The following PKD1 variants were observed in gnomAD, a reference collection of about 807,000 sequenced individuals.
PKD1 encodes polycystin-1.
Under a neutral mutation model 361.7 loss-of-function variants are expected in PKD1, and 81 were observed. The ratio of observed to expected loss-of-function variants is 0.22; its 90% CI spans 0.19 to 0.27. The LOEUF (loss-of-function observed/expected upper bound fraction) is 0.27. Ranked by LOEUF, PKD1 falls within the 10% of genes least tolerant of loss-of-function variation. The pLI, the probability that PKD1 is intolerant of heterozygous loss-of-function variation, is 1.00. For missense variants in PKD1, 6,399 were observed against 6,118.3 expected (o/e 1.05, Z -1.53); for synonymous variants, 3,615 against 2,818.3 (o/e 1.28, Z -8.95).
At position 2,090,712 on chromosome 16, in the gene PKD1, C is replaced by A; in HGVS notation, c.12100G>T (p.Val4034Leu). ...TGGGCGTAGGCTACCCCGAGCACCA[C>A]CAGGCCCAAGGTGACCCCCAGGAGC... ...PELLGVTLGL[V>L]VLGVAYAQLA... is the part of the protein sequence containing the mutation. The change falls in exon 44 of 46, where the codon GTG becomes TTG. Residue 4034 changes from valine (V) to leucine (L), a missense_variant. Transcript: ENST00000262304. The A allele has an allele frequency of 1.9e-6, 3 of 1,612,584 alleles. No individual in the cohort carries two copies. The highest frequency in any genetic ancestry group is 2.5e-6 in the Non-Finnish European group (3 of 1,179,968).
intron 21 of PKD1, 85 bp from the exon 22 acceptor site, chr16:2,104,727 T>G (rs2092267485): frequency 3.9e-6 from 3 of 773,226 alleles, no homozygotes; most frequent in Non-Finnish European, 6.5e-6. Flanking sequence ...CTCACCTGGC[T>G]CCCACCCCCA....
At chr16:2,130,304 C>A (rs1272280686) in intron 1 of PKD1, among the ~76,000 whole-genome samples, 2 of 152,202 alleles carry the variant, frequency 1.3e-5, no homozygotes, top group Non-Finnish European at 2.9e-5. Flanking sequence ...CTCTCCTAGG[C>A]TCTCCTGACA....
chr16:2,108,545 C>T lies in PKD1; in HGVS notation c.6622G>A (p.Gly2208Ser), dbSNP rs779825346. The T allele has an allele frequency of 2.6e-5, 41 of 1,605,258 alleles. No individual in the cohort carries two copies. Among genetic ancestry groups the T allele is most frequent in the South Asian group, 2.0e-4 (18 of 90,602 alleles). ...AGCCGAGGCCGGCTCACGTCCACGC[C>T]GGGCAGGGCCACACGCGCTGGGCGC... is the stretch of plus-strand genomic sequence containing the variant. ...PGRPARVALP[G>S]VDVSRPRLVL... The change falls in exon 15 of 46, where the codon GGC becomes AGC. Residue 2208 changes from glycine (G) to serine (S), a missense_variant. Transcript: ENST00000262304.
chr16:2,091,369 G>T, intron 42 of PKD1, 54 bp downstream of exon 42: 4 of 1,006,218 alleles, frequency 4.0e-6, no homozygotes, highest in East Asian at 6.1e-5. Flanking sequence ...GGCCCCGCGA[G>T]GGGGCGGGAC....
Position 2,135,567 on chromosome 16 carries a change from T to C in PKD1, c.123A>G (p.Pro41=), listed in dbSNP as rs1255231202. Residue 41 remains proline (P), a synonymous_variant, in exon 1 of 46, where the codon CCA becomes CCG. Coordinates refer to ENST00000262304, the MANE Select transcript of PKD1 (RefSeq NM_001009944.3). ...TGACGCGGCAGGCGGCGCCGGGCGC[T>C]GGGCCGCAGAGGCAGGGGGGCTCGC... ...GPCEPPCLCG[P]APGAACRVNC... 3.6e-6 allele frequency: 4 copies of C among 1,107,102 alleles called. No individual in the cohort carries two copies. The highest frequency in any genetic ancestry group is 4.4e-6 in the Non-Finnish European group (4 of 909,346). 68.6% of individuals were successfully genotyped at this position (1,107,102 alleles called of 1,614,324 possible). A position where few individuals can be genotyped will look rare whatever the true frequency, so the allele number is the denominator to read the frequency against.
At chr16:2,114,133 G>A in intron 11 of PKD1, 37 bp downstream of exon 11, 1 of 1,585,968 alleles carries the variant, frequency 6.3e-7, no homozygotes, top group East Asian at 2.2e-5. Flanking sequence ...GCAGGCACCT[G>A]CCTGGGGGCT....
chr16:2,127,113 G>T (rs1049687274), intron 1 of PKD1, among the ~76,000 whole-genome samples: 1 of 152,114 alleles, frequency 6.6e-6, no homozygotes, highest in African/African-American at 2.4e-5. Flanking sequence ...CCTCCCCAAA[G>T]CTCCCAAAGA....
Position 2,103,254 on chromosome 16 carries a change from C to G in PKD1, c.8791+12G>C. The G allele has an allele frequency of 1.2e-6, 2 of 1,609,244 alleles. No homozygotes were observed. Among genetic ancestry groups the G allele is most frequent in the East Asian group, 4.5e-5 (2 of 44,856 alleles). On this transcript the variant is annotated intron_variant, in intron 23 of 45. Transcript: ENST00000262304. ...GCCAGGGGGCCGCGTGTGCCCCACC[C>G]GCTGCACGCACCGTCCAGCAGCGTA...
intron 16 of PKD1, chr16:2,107,599 G>C: frequency 1.9e-6 from 1 of 526,856 alleles, no homozygotes. Flanking sequence ...GGGGACAGTG[G>C]CTACCTCTGG....
Position 2,091,107 on chromosome 16 carries a change from C to A in PKD1, c.11780G>T (p.Arg3927Leu), listed in dbSNP as rs1489338153. Residue 3927 changes from arginine (R) to leucine (L), a missense_variant, in exon 43 of 46, where the codon CGC (arginine) becomes CTC (leucine). By Grantham distance (102) the Arg-to-Leu change is moderately radical. Transcript: ENST00000262304. ...AEARTWHREG[R>L]WRVLRLGAWA... ...GGCTCCGAGCCGCAGCACGCGCCAG[C>A]GCCCTTCCCTGTGCCAAGTACGGGC... The A allele has an allele frequency of 4.7e-6, 7 of 1,494,214 alleles. No homozygotes were observed. The Admixed American group carries it at 6.5e-5, about 14-fold the overall frequency. 92.6% of individuals were successfully genotyped at this position (1,494,214 alleles called of 1,614,324 possible).
chr16:2,094,208 G>C lies in PKD1; in HGVS notation c.10502C>G (p.Ser3501Cys). 6.4e-7 allele frequency: 1 copy of C among 1,568,414 alleles called. No homozygotes were observed. Among genetic ancestry groups the C allele is most frequent in the Non-Finnish European group, 8.8e-7 (1 of 1,140,744 alleles). ...HMETDLLSSL[S>C]STPGEKTETL... ...CTCTGTCTTCTCCCCAGGAGTGCTG[G>C]ACCTGAGGGACATGGTAGGCTGTGA... Residue 3501 changes from serine (S) to cysteine (C), a missense_variant and splice_region_variant, in exon 35 of 46, where the codon TCC becomes TGC. Transcript: ENST00000262304.
Position 2,092,600 on chromosome 16 carries a change from AG to A in PKD1, c.11157-9del. On this transcript the variant is annotated splice_polypyrimidine_tract_variant and intron_variant, in intron 38 of 45. Transcript: ENST00000262304. The stretch of plus-strand genomic sequence containing the variant: ...GGCCAGAGCTCCTCAGACCTGCCAC[AG>A]CATCAGTCACACGCTCCAGCCCCTA... 6.3e-7 allele frequency: 1 copy of A among 1,587,768 alleles called. No homozygotes were observed. The highest frequency in any genetic ancestry group is 1.1e-5 in the South Asian group (1 of 90,212).
rs1355547948 is a variant in PKD1 at position 2,119,980 on chromosome 16, G to A, written c.216-602C>T. 10 of 597,040 alleles carry A rather than the reference G, an allele frequency of 1.7e-5. No homozygotes were observed. The Admixed American group carries it at 2.9e-4, about 18-fold the overall frequency. The allele number at this position is 597,040 out of a possible 1,614,324, so 37.0% of individuals were successfully genotyped here. The stretch of plus-strand genomic sequence containing the variant: ...GGTAACACAGCACCGTGGGAGCTGA[G>A]ACGGAAGGATCGCCTGGGCCCAGGA... On this transcript the variant is annotated intron_variant, in intron 1 of 45. Transcript: ENST00000262304.
Position 2,109,686 on chromosome 16 carries a change from C to A in PKD1, c.5481G>T (p.Gly1827=). 2.5e-6 allele frequency: 4 copies of A among 1,590,638 alleles called. No homozygotes were observed. The highest frequency in any genetic ancestry group is 3.4e-6 in the Non-Finnish European group (4 of 1,169,922). The part of the protein sequence containing the change: ...VAAGSSVPFW[G]QLATGTNVSW... ...TCACATTGGTGCCCGTGGCCAGCTG[C>A]CCCCAAAAGGGCACAGAGGACCCGG... Residue 1827 remains glycine, a synonymous_variant, in exon 15 of 46, where the codon GGG becomes GGT. Transcript: ENST00000262304.
chr16:2,132,574 C>CA (rs57615937), intron 1 of PKD1, among the ~76,000 whole-genome samples: 2,836 of 42,632 alleles, frequency 0.067, 168 homozygotes, highest in African/African-American at 0.18. Flanking sequence ...GACTCCGTCT[C>CA]AAAAAAAAAA....
In PKD1 at chr16:2,115,643, T is replaced by A. The variant is rs534987452; in HGVS notation, c.1850-18A>T. 7 of 1,594,872 alleles carry A rather than the reference T, an allele frequency of 4.4e-6. No homozygotes were observed. In the East Asian group the frequency reaches 1.3e-4, roughly 31 times the overall value. ...CGGGGTCCCTGTGAGGAGGGGAGGG[T>A]GTTGGGGCCCTGATTTGCCCACAGG... is the stretch of plus-strand genomic sequence containing the variant. On this transcript the variant is annotated intron_variant, in intron 9 of 45. Transcript: ENST00000262304.
In PKD1 at chr16:2,110,582, C is replaced by A. The variant is rs748001901; in HGVS notation, c.4585G>T (p.Gly1529Cys). Residue 1529 changes from glycine (G) to cysteine (C), a missense_variant, in exon 15 of 46, where the codon GGC becomes TGC. Physicochemically the swap from Gly to Cys is radical, Grantham distance 159 (BLOSUM62 -3). Transcript: ENST00000262304. ...TCGCTGCGGCTCACCTCATTCCAGC[C>A]GGCCACCCTAACGGTGAAGTCACCT... ...STGDFTVRVA[G>C]WNEVSRSEAW... 4 of 1,610,922 alleles carry A rather than the reference C, an allele frequency of 2.5e-6. No individual in the cohort carries two copies. The African/African-American group carries it at 5.3e-5, about 22-fold the overall frequency.
In PKD1 at chr16:2,090,822, ATCTG is replaced by A. The variant is rs746483053; in HGVS notation, c.12004-18_12004-15del. On this transcript the variant is annotated splice_polypyrimidine_tract_variant and intron_variant, in intron 43 of 45. Transcript: ENST00000262304. ...CTGCTGGGCAGCCTGCGGACGAGAAATCTGTCTGCTTGCAGCCCTGGGGTGTGCG... is the reference window on the plus strand; with the variant it reads ...CTGCTGGGCAGCCTGCGGACGAGAAATCTGCTTGCAGCCCTGGGGTGTGCG... 16 of 1,611,930 alleles carry A rather than the reference ATCTG, an allele frequency of 9.9e-6. No individual in the cohort carries two copies. The African/African-American group carries it at 2.0e-4, about 20-fold the overall frequency.
intron 11 of PKD1, 53 bp downstream of exon 11, chr16:2,114,117 C>T: frequency 6.6e-7 from 1 of 1,514,494 alleles, no homozygotes; most frequent in Admixed American, 1.7e-5. Context: ...TGTGAGCACC[C>T]TGTCTGCAGG....
Sources: gnomAD v4.1 joint callset for allele counts (sites outside exome capture counted in the v4.1 genomes callset) on GRCh38, gnomAD v4.1.1 for gene constraint, MANE v1.5 for transcripts, NCBI Gene and HGNC (gene_info 2026-07-23, HGNC 2026-07-21) for gene names.